JAK2: variants seen among roughly 807,000 people sequenced by gnomAD.
JAK2 encodes tyrosine-protein kinase JAK2.
A neutral mutation model predicts 139.3 loss-of-function variants in JAK2; 86 were observed. The ratio of observed to expected loss-of-function variants is 0.62; its 90% confidence interval spans 0.52 to 0.74. JAK2 has a LOEUF of 0.74. JAK2 is among the 30% of genes least tolerant of loss of function. The pLI, the probability that JAK2 is intolerant of heterozygous loss-of-function variation, is 0.00. For synonymous variants in JAK2, 490 were observed against 437.7 expected (o/e 1.12, Z -1.49); for missense variants, 1,421 against 1,360.3 (o/e 1.04, Z -0.70).
chr9:5,126,899 T>C lies in JAK2; in HGVS notation c.*108T>C, dbSNP rs1431458173. 3.6e-6 allele frequency: 2 copies of C among 555,236 alleles called. No individual in the cohort carries two copies. The highest frequency in any genetic ancestry group is 2.0e-5 in the African/African-American group (1 of 50,588). 34.4% of individuals were successfully genotyped at this position (555,236 alleles called of 1,614,324 possible). ...TATATCATTATTATATAAATCATGA[T>C]GCTAGCCAGCAAAGATGTGAAAATA... On this transcript the variant is annotated 3_prime_UTR_variant, in exon 25 of 25. Transcript: ENST00000381652.
At chr9:5,051,822 C>T (rs1336394203) in intron 6 of JAK2, among the ~76,000 whole-genome samples, 3 of 152,048 alleles carry the variant, frequency 2.0e-5, no homozygotes, top group Non-Finnish European at 4.4e-5. Context: ...ACCCAATTTG[C>T]AGAGTATCAA....
intron 24 of JAK2, 52 bp from the exon 25 acceptor site, chr9:5,126,632 A>G: frequency 7.7e-7 from 1 of 1,293,436 alleles, no homozygotes; most frequent in Admixed American, 1.9e-5. Context: ...TCCACCAATT[A>G]AAAGATGGCC....
chr9:5,034,921 C>A (rs1467481892), intron 4 of JAK2, among the ~76,000 whole-genome samples: 1 of 152,032 alleles, frequency 6.6e-6, no homozygotes, highest in Non-Finnish European at 1.5e-5. Flanking sequence ...AGACAAAAAA[C>A]CCTTCAAAAA....
intron 2 of JAK2, among the ~76,000 whole-genome samples, chr9:5,018,617 G>A (rs1822220091): frequency 6.6e-6 from 1 of 152,196 alleles, no homozygotes; most frequent in Non-Finnish European, 1.5e-5. Flanking sequence ...AGGATTACAG[G>A]CTTGAGCCAC....
chr9:4,985,781 T>C (rs1282826071), intron 1 of JAK2, among the ~76,000 whole-genome samples, 151 bp downstream of exon 1: 1 of 151,902 alleles, frequency 6.6e-6, no homozygotes, highest in African/African-American at 2.4e-5. Flanking sequence ...CTAGAACGAG[T>C]CTTGCTGGTG....
intron 2 of JAK2, among the ~76,000 whole-genome samples, chr9:5,008,556 T>C (rs1193558844): frequency 6.6e-6 from 1 of 151,392 alleles, no homozygotes; most frequent in Non-Finnish European, 1.5e-5. Context: ...TGAGTATGAA[T>C]CTAAAGAGGG....
intron 22 of JAK2, among the ~76,000 whole-genome samples, chr9:5,107,271 A>G (rs945906145): frequency 6.6e-6 from 1 of 152,102 alleles, no homozygotes; most frequent in African/African-American, 2.4e-5. Flanking sequence ...TGGCCCTACT[A>G]CTACTACTAA....
chr9:5,038,298 G>A (rs1350277504), intron 4 of JAK2, among the ~76,000 whole-genome samples: 8 of 152,094 alleles, frequency 5.3e-5, no homozygotes, highest in African/African-American at 1.9e-4. Context: ...AATCAAATTA[G>A]CAATTTTTAT....
At chr9:5,007,351 T>C (rs986443736) in intron 2 of JAK2, among the ~76,000 whole-genome samples, 2 of 152,168 alleles carry the variant, frequency 1.3e-5, no homozygotes, top group Non-Finnish European at 2.9e-5. Context: ...TGAAAATATA[T>C]TGATTAATTT....
intron 22 of JAK2, among the ~76,000 whole-genome samples, chr9:5,116,621 C>G (rs1823196749): frequency 6.6e-6 from 1 of 152,128 alleles, no homozygotes; most frequent in Non-Finnish European, 1.5e-5. Context: ...TTTGGTTATA[C>G]TTAATGAATA....
chr9:5,043,338 C>T (rs1433698654), intron 4 of JAK2, among the ~76,000 whole-genome samples: 1 of 151,776 alleles, frequency 6.6e-6, no homozygotes, highest in Non-Finnish European at 1.5e-5. Context: ...AAATGAAACC[C>T]TCCGAAAAAA....
intron 8 of JAK2, among the ~76,000 whole-genome samples, chr9:5,058,604 CTTGTAATT>C (rs1269934330): frequency 1.3e-5 from 2 of 152,162 alleles, no homozygotes; most frequent in African/African-American, 4.8e-5. Flanking sequence ...GGTAATTCTA[CTTGTAATT>C]TTTTAGGGAG....
chr9:5,118,427 C>A (rs1823368976), intron 22 of JAK2, among the ~76,000 whole-genome samples: 1 of 152,148 alleles, frequency 6.6e-6, no homozygotes, highest in African/African-American at 2.4e-5. Flanking sequence ...CTGTGACCAA[C>A]AAACTTGTAA....
intron 2 of JAK2, among the ~76,000 whole-genome samples, chr9:5,003,365 C>T (rs1455580734): frequency 2.0e-5 from 3 of 151,826 alleles, no homozygotes; most frequent in Non-Finnish European, 4.4e-5. Context: ...TGGTCTATCC[C>T]TCTCTTATTT....
At chr9:5,115,452 C>T in intron 22 of JAK2, among the ~76,000 whole-genome samples, 1 of 152,180 alleles carries the variant, frequency 6.6e-6, no homozygotes, top group Non-Finnish European at 1.5e-5. Context: ...AATGCTTTTA[C>T]ATTGTTGATG....
At chr9:5,123,662 T>A (rs1213106738) in intron 23 of JAK2, among the ~76,000 whole-genome samples, 3 of 151,990 alleles carry the variant, frequency 2.0e-5, no homozygotes, top group Admixed American at 2.0e-4. Context: ...TTTAGGTAGA[T>A]ACCCCATAGT....
At position 5,065,337 on chromosome 9, in the gene JAK2, T is replaced by G. The variant is rs371093229; in HGVS notation, c.1214+297T>G. Among the ~76,000 whole-genome samples the G allele has an allele frequency of 3.9e-5, 6 of 152,230 alleles. No homozygotes were observed. The South Asian group carries it at 8.3e-4, about 21-fold the overall frequency. On this transcript the variant is annotated intron_variant, in intron 9 of 24. Transcript: ENST00000381652. ...AAAAGAAAGATCTCCAATTTATGTT[T>G]TATTAATTTTAAAATACTGCAAGGA...
chr9:5,094,755 A>T (rs1404367784), intron 22 of JAK2: 1 of 152,166 alleles, frequency 6.6e-6, no homozygotes, highest in Non-Finnish European at 1.5e-5. Context: ...AGCAGAATAT[A>T]TGAATATTAT....
At chr9:5,106,243 G>A (rs1010147550) in intron 22 of JAK2, among the ~76,000 whole-genome samples, 36 of 152,184 alleles carry the variant, frequency 2.4e-4, no homozygotes, top group Non-Finnish European at 3.8e-4. Flanking sequence ...CAAAGGATAT[G>A]AACAGACACT....
Sources: allele counts gnomAD v4.1 joint callset (sites outside exome capture counted in the v4.1 genomes callset), GRCh38; gene constraint gnomAD v4.1.1; transcripts MANE v1.5; gene names NCBI Gene and HGNC (gene_info 2026-07-23, HGNC 2026-07-21).